Variants in PCID2 observed in about 807,000 individuals in gnomAD.
The protein encoded by PCID2 is PCI domain-containing protein 2.
PCID2 carries 41 observed loss-of-function variants against 61.3 expected under a neutral mutation model. The ratio of observed to expected loss-of-function variants is 0.67; its 90% CI spans 0.52 to 0.87. The LOEUF (loss-of-function observed/expected upper bound fraction) is 0.87, where lower values mean the gene tolerates loss of function less well. Ranked by LOEUF, PCID2 falls within the 40% of genes least tolerant of loss-of-function variation. The pLI, the probability that PCID2 is intolerant of heterozygous loss-of-function variation, is 0.00. For missense variants in PCID2, 392 were observed against 493.4 expected (o/e 0.79, Z 1.95); for synonymous variants, 187 against 177.8 (o/e 1.05, Z -0.41).
chr13:113,194,740 G>C lies in PCID2; in HGVS notation c.363+331C>G, dbSNP rs1647191747. Among the ~76,000 whole-genome samples the C allele has an allele frequency of 2.0e-5, 3 of 152,090 alleles. No homozygotes were observed. The South Asian group carries it at 6.2e-4, about 31-fold the overall frequency. The stretch of plus-strand genomic sequence containing the variant: ...TGAATTCTTTTTGGTGGGGGAGCAG[G>C]CCACATCTTAAAGGTAGAAGAGATG... On this transcript the variant is annotated intron_variant, in intron 6 of 13. Coordinates refer to ENST00000337344, the MANE Select transcript of PCID2 (RefSeq NM_001127202.4).
intron 1 of PCID2, chr13:113,208,207 C>A: frequency 6.5e-7 from 1 of 1,542,390 alleles, no homozygotes; most frequent in South Asian, 1.2e-5. Context: ...ATCCCGCATC[C>A]TGCTGGGAAA....
intron 1 of PCID2, chr13:113,208,142 G>T: frequency 6.2e-7 from 1 of 1,604,588 alleles, no homozygotes; most frequent in Non-Finnish European, 8.5e-7. Context: ...CCGGCCTGCA[G>T]CACGGCCACA....
At chr13:113,197,291 T>A in intron 3 of PCID2, 48 bp from the exon 4 acceptor site, 1 of 1,331,516 alleles carries the variant, frequency 7.5e-7, no homozygotes, top group East Asian at 2.3e-5. Flanking sequence ...AACCTAGCAC[T>A]AGTTATGCAG....
At chr13:113,201,046 AAT>A (rs1465994961) in intron 1 of PCID2, among the ~76,000 whole-genome samples, 3 of 152,240 alleles carry the variant, frequency 2.0e-5, no homozygotes, top group Non-Finnish European at 2.9e-5. Flanking sequence ...CAATCACACT[AAT>A]ATATGTTTGA....
At position 113,180,047 on chromosome 13, in the gene PCID2, T is replaced by C. The variant is rs762358193; in HGVS notation, c.861-5A>G. On this transcript the variant is annotated splice_polypyrimidine_tract_variant and splice_region_variant and intron_variant, in intron 11 of 13. Coordinates refer to ENST00000337344, the MANE Select transcript of PCID2 (RefSeq NM_001127202.4). ...AGCAGCAGCAGGTTGCCCTCGCTGG[T>C]GAGGGGGGAGGCGCGTCAGAAGGAG... is the stretch of plus-strand genomic sequence containing the variant. 10 of 1,613,744 alleles carry C rather than the reference T, an allele frequency of 6.2e-6. No homozygotes were observed. Among genetic ancestry groups the C allele is most frequent in the Non-Finnish European group, 7.6e-6 (9 of 1,179,864 alleles).
In PCID2 at chr13:113,184,359, G is replaced by A. The variant is rs371892555; in HGVS notation, c.672C>T (p.Ser224=). Residue 224 remains serine (S), a synonymous_variant, in exon 9 of 14, where the codon AGC becomes AGT. Transcript: ENST00000337344. ...TTAGCAACATACCTTGCTTAAAATC[G>A]CTGTCAAACATAGCCTTGCGTCCAA... ...YYVGRKAMFD[S]DFKQAEEYLS... 72 of 1,612,638 alleles carry A rather than the reference G, an allele frequency of 4.5e-5. No individual in the cohort carries two copies. Among genetic ancestry groups the A allele is most frequent in the South Asian group, 1.6e-4 (15 of 90,930 alleles).
In PCID2 at chr13:113,177,843, G is replaced by A. The variant is rs59598303; in HGVS notation, c.*355C>T. The A allele has an allele frequency of 0.015, 2,642 of 171,774 alleles. 71 individuals are homozygous for A. The highest frequency in any genetic ancestry group is 0.058 in the African/African-American group (2,440 of 42,044). The allele number at this position is 171,774 out of a possible 1,614,324, so 10.6% of individuals were successfully genotyped here. ...TGCCATGTGTATAAATTCAGAATAC[G>A]CTTTTTACACAAAGAACTACAAAAA... is the stretch of plus-strand genomic sequence containing the variant. On this transcript the variant is annotated 3_prime_UTR_variant, in exon 14 of 14. Coordinates refer to ENST00000337344, the MANE Select transcript of PCID2 (RefSeq NM_001127202.4).
downstream of PCID2, among the ~76,000 whole-genome samples, chr13:113,176,955 T>C (rs2037201043): frequency 6.6e-6 from 1 of 152,116 alleles, no homozygotes; most frequent in African/African-American, 2.4e-5. Context: ...CTGCCTGTGG[T>C]ATTCTGTGAT....
chr13:113,176,354 C>T (rs1334108403), downstream of PCID2, among the ~76,000 whole-genome samples: 2 of 59,758 alleles, frequency 3.3e-5, no homozygotes, highest in Non-Finnish European at 8.0e-5. Context: ...AAATTTCTTA[C>T]ATTGAAGTCC....
At chr13:113,188,951 G>T (rs945121103) in intron 7 of PCID2, among the ~76,000 whole-genome samples, 3 of 152,208 alleles carry the variant, frequency 2.0e-5, no homozygotes, top group Non-Finnish European at 2.9e-5. Context: ...TGGTTTGGAT[G>T]TGGTTTTTTG....
At chr13:113,194,306 C>T (rs1156573777) in intron 6 of PCID2, among the ~76,000 whole-genome samples, 2 of 152,172 alleles carry the variant, frequency 1.3e-5, no homozygotes, top group Non-Finnish European at 2.9e-5. Context: ...TCCTGGTTTC[C>T]TTGGGGCTTT....
chr13:113,172,283 T>C, the PCID2 span: 2 of 775,646 alleles, frequency 2.6e-6, no homozygotes, highest in Non-Finnish European at 4.2e-6. Flanking sequence ...TACCGAGCAC[T>C]GTGACCTTTC....
At chr13:113,166,244 A>G in the PCID2 span, 1 of 152,242 alleles carries the variant, frequency 6.6e-6, no homozygotes, top group Non-Finnish European at 1.5e-5. Context: ...ATTTAACCCA[A>G]TATGTGTCAT....
the PCID2 span, among the ~76,000 whole-genome samples, chr13:113,171,099 T>C: frequency 6.6e-6 from 1 of 152,136 alleles, no homozygotes; most frequent in Admixed American, 6.5e-5. This position sits in a 1 kb window ranked among gnomAD's most constrained non-coding sequence, Gnocchi z 5.1. Flanking sequence ...ATTTTTTGTA[T>C]TTTTAGTAGA....
intron 1 of PCID2, among the ~76,000 whole-genome samples, chr13:113,202,666 GA>G (rs1288900652): frequency 6.6e-6 from 1 of 152,172 alleles, no homozygotes; most frequent in Non-Finnish European, 1.5e-5. Flanking sequence ...AGAATGAAGG[GA>G]AACAAGAAAA....
intron 3 of PCID2, among the ~76,000 whole-genome samples, chr13:113,197,709 C>A (rs538284498): frequency 8.9e-4 from 136 of 152,336 alleles, no homozygotes; most frequent in African/African-American, 3.1e-3. Flanking sequence ...TGCTCACAGA[C>A]CCCACACTGG....
rs79099136 is a variant in PCID2 at position 113,206,695 on chromosome 13, T to A, written c.36+1904A>T. 0.016 allele frequency among the ~76,000 whole-genome samples: 2,396 copies of A among 152,364 alleles called. 165 individuals are homozygous for A. In the East Asian group the frequency reaches 0.21, roughly 13 times the overall value. On this transcript the variant is annotated intron_variant, in intron 1 of 13. Coordinates refer to ENST00000337344, the MANE Select transcript of PCID2 (RefSeq NM_001127202.4). ...CTTAAAATATTCAAGAATCTGTTAA[T>A]ACATAAAACTTAGGTAACATGCCAG...
chr13:113,197,764 A>C (rs947714781), intron 3 of PCID2, among the ~76,000 whole-genome samples: 9 of 152,218 alleles, frequency 5.9e-5, no homozygotes, highest in African/African-American at 2.2e-4. Flanking sequence ...CAAATCTCAC[A>C]TGGCTATAAG....
chr13:113,170,599 G>T, the PCID2 span: 7 of 1,006,402 alleles, frequency 7.0e-6, no homozygotes, highest in East Asian at 1.7e-4. Flanking sequence ...AGAATGAAAT[G>T]ACAAATTTAA....
Sources: allele counts gnomAD v4.1 joint callset (sites outside exome capture counted in the v4.1 genomes callset), GRCh38; gene constraint gnomAD v4.1.1; non-coding constraint Gnocchi (gnomAD v3.1); transcripts MANE v1.5; gene names NCBI Gene and HGNC (gene_info 2026-07-23, HGNC 2026-07-21).